TSHR: variants seen among roughly 807,000 people sequenced by gnomAD.
The protein encoded by TSHR is thyroid stimulating hormone receptor.
Under a neutral mutation model 64.1 loss-of-function variants are expected in TSHR, and 51 were observed. That is an observed-to-expected ratio of 0.80 (90% CI 0.64 to 1.01). The LOEUF is 1.01. TSHR is among the 50% of genes least tolerant of loss of function. TSHR has a pLI of 0.00. For synonymous variants in TSHR, 361 were observed against 361.9 expected, an observed-to-expected ratio of 1.00 and a Z score of 0.03; for missense variants, 877 against 942.8, an observed-to-expected ratio of 0.93 and a Z score of 0.91.
intron 1 of TSHR, among the ~76,000 whole-genome samples, chr14:81,057,326 G>A (rs1050041909): frequency 2.6e-5 from 4 of 152,038 alleles, no homozygotes; most frequent in East Asian, 1.9e-4. Context: ...CAGGAGAATC[G>A]CTTGAACCCC....
At chr14:80,984,863 A>G (rs1888356786) in intron 1 of TSHR, among the ~76,000 whole-genome samples, 1 of 152,104 alleles carries the variant, frequency 6.6e-6, no homozygotes, top group Admixed American at 6.6e-5. Context: ...AACTTGTTAG[A>G]TGTCCTTTGC....
chr14:81,068,858 G>T (rs1434375457), intron 3 of TSHR, among the ~76,000 whole-genome samples: 3 of 152,138 alleles, frequency 2.0e-5, no homozygotes. Context: ...TGCAAAATAA[G>T]TGTAATAAGA....
At chr14:81,063,067 A>ATAGG (rs1566787898) in intron 2 of TSHR, among the ~76,000 whole-genome samples, 1 of 152,170 alleles carries the variant, frequency 6.6e-6, no homozygotes, top group African/African-American at 2.4e-5. Context: ...TCTACAGTTC[A>ATAGG]TAGGACAGTC....
At chr14:80,987,017 G>T (rs1261893101) in intron 1 of TSHR, among the ~76,000 whole-genome samples, 1 of 152,116 alleles carries the variant, frequency 6.6e-6, no homozygotes, top group African/African-American at 2.4e-5. Flanking sequence ...CAATTGGCCT[G>T]TTTTTCCCAA....
chr14:81,051,182 C>A (rs1885413729), intron 1 of TSHR: 1 of 152,280 alleles, frequency 6.6e-6, no homozygotes, highest in African/African-American at 2.4e-5. Flanking sequence ...AAACCACTTT[C>A]TTTGCTCATT....
At chr14:81,079,091 C>G (rs978503225) in intron 3 of TSHR, among the ~76,000 whole-genome samples, 1 of 152,178 alleles carries the variant, frequency 6.6e-6, no homozygotes, top group Admixed American at 6.5e-5. Flanking sequence ...GGTAGGTTCT[C>G]TGTGAGTTAT....
At chr14:81,112,292 C>T (rs1306542813) in intron 8 of TSHR, among the ~76,000 whole-genome samples, 1 of 152,176 alleles carries the variant, frequency 6.6e-6, no homozygotes, top group Admixed American at 6.5e-5. Context: ...TGATTATTTT[C>T]ACTTCTTCCT....
rs534213075 is a variant in TSHR at position 81,103,416 on chromosome 14, C to A, written c.615-4959C>A. The stretch of plus-strand genomic sequence containing the variant: ...ATCCAAAAGAGCAATCATCCCCTAT[C>A]ATTCCACTTCATGACAATTTACTGA... On this transcript the variant is annotated intron_variant, in intron 7 of 9. Coordinates refer to ENST00000298171, the MANE Select transcript of TSHR (RefSeq NM_000369.5). This position sits in a 1 kb window ranked among gnomAD's most constrained non-coding sequence, Gnocchi z 4.1. 12 of 985,470 alleles carry A rather than the reference C, an allele frequency of 1.2e-5. No individual in the cohort carries two copies. The South Asian group carries it at 5.6e-4, about 46-fold the overall frequency. The allele number at this position is 985,470 out of a possible 1,614,324, so 61.0% of individuals were successfully genotyped here.
chr14:81,024,741 G>A (rs1391096443), intron 1 of TSHR, among the ~76,000 whole-genome samples: 1 of 152,074 alleles, frequency 6.6e-6, no homozygotes, highest in African/African-American at 2.4e-5. Context: ...GCAGGCAATC[G>A]CAGCTGCAGA....
intron 3 of TSHR, among the ~76,000 whole-genome samples, chr14:81,086,279 A>G (rs1045021257): frequency 1.4e-4 from 21 of 151,500 alleles, no homozygotes; most frequent in Non-Finnish European, 1.3e-4. Flanking sequence ...AGGGTATATT[A>G]TTATAGACAG....
intron 1 of TSHR, among the ~76,000 whole-genome samples, chr14:80,976,639 A>T (rs2037482714): frequency 6.6e-6 from 1 of 152,196 alleles, no homozygotes; most frequent in African/African-American, 2.4e-5. Flanking sequence ...CCCTGTCCTC[A>T]TTGTGTAACA....
chr14:81,093,806 C>G (rs944118596), intron 6 of TSHR: 1 of 152,216 alleles, frequency 6.6e-6, no homozygotes, highest in Non-Finnish European at 1.5e-5. Flanking sequence ...GGCCCAGGCT[C>G]TTAGCCTGCT....
At chr14:81,104,111 A>G in intron 7 of TSHR, 2 of 985,446 alleles carry the variant, frequency 2.0e-6, no homozygotes, top group Non-Finnish European at 2.4e-6. Flanking sequence ...ATATACTCTA[A>G]GGCTGACTTT....
intron 1 of TSHR, among the ~76,000 whole-genome samples, chr14:81,002,401 C>T (rs1315210538): frequency 1.3e-5 from 2 of 152,118 alleles, no homozygotes; most frequent in East Asian, 3.9e-4. Flanking sequence ...CCCGTCTGTG[C>T]TTCAGTTTCC....
intron 1 of TSHR, among the ~76,000 whole-genome samples, chr14:81,027,993 T>C (rs1175813739): frequency 7.9e-5 from 12 of 152,006 alleles, no homozygotes; most frequent in Non-Finnish European, 1.5e-5. Flanking sequence ...CCAAAATGAG[T>C]GTAGCAGAAA....
intron 1 of TSHR, chr14:80,982,344 C>G (rs566837564): frequency 1.1e-5 from 13 of 1,232,778 alleles, no homozygotes; most frequent in Non-Finnish European, 1.5e-5. Context: ...AGGCCACTAT[C>G]AATTCCTGGT....
chr14:81,091,710 C>A (rs898989914), intron 5 of TSHR, among the ~76,000 whole-genome samples: 1 of 152,208 alleles, frequency 6.6e-6, no homozygotes, highest in Non-Finnish European at 1.5e-5. Context: ...AACAAAGTTA[C>A]TGCTTTTCCA....
chr14:81,023,755 A>G (rs1883897034), intron 1 of TSHR, among the ~76,000 whole-genome samples: 1 of 152,280 alleles, frequency 6.6e-6, no homozygotes, highest in Non-Finnish European at 1.5e-5. Flanking sequence ...TTCAAGGCTC[A>G]GGGGTTAGCT....
At chr14:80,978,157 A>C (rs1268748422) in intron 1 of TSHR, among the ~76,000 whole-genome samples, 1 of 151,682 alleles carries the variant, frequency 6.6e-6, no homozygotes, top group Non-Finnish European at 1.5e-5. Context: ...CTAAAGCATG[A>C]ACATTGCACA....
Sources: gnomAD v4.1 joint callset for allele counts (sites outside exome capture counted in the v4.1 genomes callset) on GRCh38, gnomAD v4.1.1 for gene constraint, Gnocchi (gnomAD v3.1) non-coding constraint, MANE v1.5 for transcripts, NCBI Gene and HGNC (gene_info 2026-07-23, HGNC 2026-07-21) for gene names.